Variants in COL3A1 observed in about 807,000 individuals in gnomAD.
The protein encoded by COL3A1 is collagen type III alpha 1 chain.
A neutral mutation model predicts 200.9 loss-of-function variants in COL3A1; 46 were observed. That is an observed-to-expected ratio of 0.23 (90% CI 0.18 to 0.29). The LOEUF is 0.29. Among genes scored for constraint, COL3A1 ranks in the 10% least tolerant of loss-of-function variants. The pLI is 1.00. For synonymous variants in COL3A1, 650 were observed against 628.0 expected (o/e 1.03, Z -0.52); for missense variants, 1,367 against 1,917.6 (o/e 0.71, Z 5.36).
At chr2:189,003,333 G>C in intron 36 of COL3A1, 78 bp from the exon 37 acceptor site, 3 of 1,275,688 alleles carry the variant, frequency 2.4e-6, no homozygotes. Context: ...TAGAGTTCCT[G>C]GTTTTCAAAG....
In COL3A1 at chr2:189,010,715, T is replaced by C; in HGVS notation, c.4079T>C (p.Leu1360Pro). 6.2e-7 allele frequency: 1 copy of C among 1,614,088 alleles called. No homozygotes were observed. Among genetic ancestry groups the C allele is most frequent in the African/African-American group, 1.3e-5 (1 of 75,016 alleles). The stretch of plus-strand genomic sequence containing the variant: ...GTGCATCTGGCATTCCTTCGACTTC[T>C]CTCCAGCCGAGCTTCCCAGAACATC... ...LDVHLAFLRLLSSRASQNITY... is the reference protein window; with the variant it reads ...LDVHLAFLRLPSSRASQNITY... The change falls in exon 50 of 51, where the codon CTC (leucine) becomes CCC (proline). Residue 1360 changes from leucine to proline, a missense_variant. Physicochemically the swap from Leu to Pro is moderately conservative, Grantham distance 98. Around this residue, in one of 5 missense-constraint regions of COL3A1, gnomAD observed 846 missense variants for 1,147.9 expected, o/e 0.74. Coordinates refer to ENST00000304636, the MANE Select transcript of COL3A1 (RefSeq NM_000090.4).
At position 189,010,878 on chromosome 2, in the gene COL3A1, G is replaced by A; in HGVS notation, c.4242G>A (p.Glu1414=). 6.2e-7 allele frequency: 1 copy of A among 1,614,122 alleles called. No homozygotes were observed. Among genetic ancestry groups the A allele is most frequent in the Non-Finnish European group, 8.5e-7 (1 of 1,179,974 alleles). The change falls in exon 50 of 51, where the codon GAG becomes GAA. Residue 1414 remains glutamate (E), a synonymous_variant. Transcript: ENST00000304636. ...GCAAATTCACCTACACAGTTCTGGAGGATGGTTGCACGGTAGGAAACATTT... is the reference window on the plus strand; with the variant it reads ...GCAAATTCACCTACACAGTTCTGGAAGATGGTTGCACGGTAGGAAACATTT... ...GNSKFTYTVL[E]DGCTKHTGEW...
rs753243435 is a variant in COL3A1, at chr2:188,989,355, A to C, written c.637-41A>C. On this transcript the variant is annotated intron_variant, in intron 7 of 50. Coordinates refer to ENST00000304636, the MANE Select transcript of COL3A1 (RefSeq NM_000090.4). ...TGTGTAATAATAAATTGTAACAGAA[A>C]AATTTACAAATCTATTCATTTTTTA... The C allele has an allele frequency of 1.8e-5, 27 of 1,470,804 alleles. No homozygotes were observed. In the South Asian group the frequency reaches 3.3e-4, roughly 18 times the overall value. The allele number at this position is 1,470,804 out of a possible 1,614,324, so 91.1% of individuals were successfully genotyped here. A position where few individuals can be genotyped will look rare whatever the true frequency, so the allele number is the denominator to read the frequency against.
chr2:188,988,399 G>A (rs765712959), intron 6 of COL3A1, among the ~76,000 whole-genome samples, 191 bp from the exon 7 acceptor site: 5 of 152,026 alleles, frequency 3.3e-5, no homozygotes, highest in Non-Finnish European at 7.4e-5. Context: ...ATTCAGTTTT[G>A]ATGGATTGCA....
intron 47 of COL3A1, 186 bp from the exon 48 acceptor site, chr2:189,008,738 T>C: frequency 1.6e-6 from 1 of 632,698 alleles, no homozygotes; most frequent in South Asian, 1.9e-5. Context: ...TTCTTGATAA[T>C]GAATTGTAGT....
In COL3A1 at chr2:189,008,133, A is replaced by G. The variant is rs1688638001; in HGVS notation, c.3516A>G (p.Arg1172=). The change falls in exon 47 of 51, where the codon AGA becomes AGG. Residue 1172 remains arginine, a synonymous_variant. Transcript: ENST00000304636. ...PPGPRGNRGE[R]GSEGSPGHPG... ...GGCCTCGAGGTAACAGAGGTGAAAG[A>G]GGATCTGAGGTAAGACATCACTTAT... The G allele has an allele frequency of 3.1e-6, 5 of 1,612,384 alleles. No individual in the cohort carries two copies. The highest frequency in any genetic ancestry group is 3.4e-6 in the Non-Finnish European group (4 of 1,179,102).
intron 27 of COL3A1, 22 bp downstream of exon 27, chr2:188,997,775 G>A (rs1197091887): frequency 5.0e-6 from 8 of 1,611,674 alleles, no homozygotes; most frequent in East Asian, 4.5e-5. Context: ...TTATTTAAAT[G>A]TCACGGCATA....
At chr2:189,008,752 T>G (rs1688651246) in intron 47 of COL3A1, 172 bp from the exon 48 acceptor site, 1 of 664,476 alleles carries the variant, frequency 1.5e-6, no homozygotes, top group Non-Finnish European at 2.6e-6. Flanking sequence ...TTGTAGTTAT[T>G]ATAAATCGGT....
rs267599121 is a variant in COL3A1 at position 188,991,009 on chromosome 2, C to T, written c.804C>T (p.Phe268=). The change falls in exon 11 of 51, where the codon TTC becomes TTT. Residue 268 remains phenylalanine (F), a synonymous_variant. Coordinates refer to ENST00000304636, the MANE Select transcript of COL3A1 (RefSeq NM_000090.4). The stretch of plus-strand genomic sequence containing the variant: ...TGGTTTTATACATTTCCTAGGGCTT[C>T]GATGGACGAAATGGAGAAAAGGGTG... ...GFPGMKGHRG[F]DGRNGEKGET... The T allele has an allele frequency of 1.4e-5, 23 of 1,612,840 alleles. No homozygotes were observed. In the East Asian group the frequency reaches 1.6e-4, roughly 11 times the overall value.
Position 189,001,420 on chromosome 2 carries a change from T to C in COL3A1, c.2307T>C (p.Pro769=). 1.9e-6 allele frequency: 3 copies of C among 1,614,000 alleles called. No individual in the cohort carries two copies. The highest frequency in any genetic ancestry group is 2.5e-6 in the Non-Finnish European group (3 of 1,179,812). ...AGGGTCCTACTGGTCCTATTGGTCC[T>C]CCTGGCCCAGCTGGCCAGCCTGGAG... ...GPRGPTGPIG[P]PGPAGQPGDK... Residue 769 remains proline (P), a synonymous_variant, in exon 33 of 51, where the codon CCT becomes CCC. Transcript: ENST00000304636.
intron 41 of COL3A1, 111 bp downstream of exon 41, chr2:189,005,568 T>C: frequency 1.2e-6 from 1 of 834,138 alleles, no homozygotes; most frequent in South Asian, 1.4e-5. Context: ...CATAGCAAAG[T>C]TCTTCTATCT....
At position 188,998,843 on chromosome 2, in the gene COL3A1, A is replaced by G. The variant is rs542471730; in HGVS notation, c.2022+125A>G. ...AAGAGCATCATTGCAAATGTTTGGT[A>G]AGTACACTTAGAGAAACTCAAGACA... On this transcript the variant is annotated intron_variant, in intron 29 of 50. Transcript: ENST00000304636. 6.6e-6 allele frequency: 6 copies of G among 912,868 alleles called. No homozygotes were observed. The South Asian group carries it at 8.5e-5, about 13-fold the overall frequency. 56.5% of individuals were successfully genotyped at this position (912,868 alleles called of 1,614,324 possible). A position where few individuals can be genotyped will look rare whatever the true frequency, so the allele number is the denominator to read the frequency against.
In COL3A1 at chr2:188,995,182, C is replaced by T. The variant is rs41272839; in HGVS notation, c.1509+83C>T. On this transcript the variant is annotated intron_variant, in intron 21 of 50. Coordinates refer to ENST00000304636, the MANE Select transcript of COL3A1 (RefSeq NM_000090.4). ...GTATACAATTTCTCATTCATGAAAACCTAAATATCTGAAGAATATATATTA... is the reference window on the plus strand; with the variant it reads ...GTATACAATTTCTCATTCATGAAAATCTAAATATCTGAAGAATATATATTA... 0.017 allele frequency: 22,295 copies of T among 1,293,862 alleles called. 207 individuals are homozygous for T. Among genetic ancestry groups the T allele is most frequent in the African/African-American group, 0.028 (1,888 of 68,210 alleles). The allele number at this position is 1,293,862 out of a possible 1,614,324, so 80.1% of individuals were successfully genotyped here. A position where few individuals can be genotyped will look rare whatever the true frequency, so the allele number is the denominator to read the frequency against.
chr2:189,000,939 G>T (rs1220106772), intron 32 of COL3A1, among the ~76,000 whole-genome samples: 1 of 151,974 alleles, frequency 6.6e-6, no homozygotes, highest in Non-Finnish European at 1.5e-5. Flanking sequence ...CCGTCATTCA[G>T]GTAAAAAGAG....
chr2:188,986,825 G>T (rs573150843), intron 4 of COL3A1, among the ~76,000 whole-genome samples: 1 of 152,076 alleles, frequency 6.6e-6, no homozygotes, highest in Non-Finnish European at 1.5e-5. Context: ...AACTAACATT[G>T]AACACAGTGG....
In COL3A1 at chr2:189,003,849, A is replaced by G. The variant is rs1576470499; in HGVS notation, c.2661+62A>G. 17 of 1,589,328 alleles carry G rather than the reference A, an allele frequency of 1.1e-5. No homozygotes were observed. The East Asian group carries it at 3.4e-4, about 31-fold the overall frequency. ...TCAGAAAGAGCATTCATGTATGTAT[A>G]GGATGAGAAACTTACACATTGCTAC... is the stretch of plus-strand genomic sequence containing the variant. On this transcript the variant is annotated intron_variant, in intron 38 of 50. Coordinates refer to ENST00000304636, the MANE Select transcript of COL3A1 (RefSeq NM_000090.4).
chr2:189,011,949 C>A lies in COL3A1; in HGVS notation c.*175C>A. On this transcript the variant is annotated 3_prime_UTR_variant, in exon 51 of 51. Coordinates refer to ENST00000304636, the MANE Select transcript of COL3A1 (RefSeq NM_000090.4). ...ATGATACTTCTCTTTTTTTGCTGTTCCACCAAATACAATTCAAATGCTTTT... is the reference window on the plus strand; with the variant it reads ...ATGATACTTCTCTTTTTTTGCTGTTACACCAAATACAATTCAAATGCTTTT... The A allele has an allele frequency of 1.5e-6, 1 of 675,614 alleles. No individual in the cohort carries two copies. The allele number at this position is 675,614 out of a possible 1,614,324, so 41.9% of individuals were successfully genotyped here.
Position 188,994,706 on chromosome 2 carries a change from A to G in COL3A1, c.1348-18A>G, listed in dbSNP as rs115062076. 1.9e-5 allele frequency: 30 copies of G among 1,601,908 alleles called. No individual in the cohort carries two copies. In the African/African-American group the frequency reaches 3.8e-4, roughly 20 times the overall value. On this transcript the variant is annotated intron_variant, in intron 19 of 50. Coordinates refer to ENST00000304636, the MANE Select transcript of COL3A1 (RefSeq NM_000090.4). This position sits in a 1 kb window ranked among gnomAD's most constrained non-coding sequence, Gnocchi z 4.5. Reference sequence around the variant, plus strand: ...TCAGTCATAATTTCTTTATTTTACCATCTTTTTTTTTTTTCAGGGTGAGGC... The same window carrying G: ...TCAGTCATAATTTCTTTATTTTACCGTCTTTTTTTTTTTTCAGGGTGAGGC...
intron 40 of COL3A1, among the ~76,000 whole-genome samples, chr2:189,004,926 T>C (rs1482973014): frequency 1.3e-5 from 2 of 152,248 alleles, no homozygotes; most frequent in Non-Finnish European, 1.5e-5. Context: ...ATAAAATTAA[T>C]ATTTCATATT....
Sources: gnomAD v4.1 joint callset for allele counts (sites outside exome capture counted in the v4.1 genomes callset) on GRCh38, gnomAD v4.1.1 for gene constraint, gnomAD v4.1.1 regional missense constraint, Gnocchi (gnomAD v3.1) non-coding constraint, MANE v1.5 for transcripts, NCBI Gene and HGNC (gene_info 2026-07-23, HGNC 2026-07-21) for gene names.